ENKUR: variants seen among roughly 807,000 people sequenced by gnomAD.
ENKUR encodes enkurin.
A neutral mutation model predicts 27.6 loss-of-function variants in ENKUR; 19 were observed. That is an observed-to-expected ratio of 0.69 (90% CI 0.48 to 1.01). The LOEUF is 1.01. Ranked by LOEUF, ENKUR falls within the 50% of genes least tolerant of loss-of-function variation. The probability of loss-of-function intolerance (pLI) is 0.00; values close to 1 mark genes in which losing one functional copy is unlikely to be tolerated. For missense variants in ENKUR, 312 were observed against 310.5 expected (o/e 1.00, Z -0.04); for synonymous variants, 117 against 96.9 (o/e 1.21, Z -1.22).
intron 1 of ENKUR, among the ~76,000 whole-genome samples, chr10:25,013,697 C>T (rs1431942725): frequency 6.6e-6 from 1 of 152,314 alleles, no homozygotes; most frequent in East Asian, 1.9e-4. Context: ...AATCATAGCA[C>T]TTTGGGAGGC....
At chr10:25,027,387 A>AAAAAAAAAAATAAAAT (rs1850876645) in intron 2 of ENKUR, among the ~76,000 whole-genome samples, 1 of 139,356 alleles carries the variant, frequency 7.2e-6, no homozygotes, top group Admixed American at 7.1e-5. Flanking sequence ...AAAAAAAAAA[A>AAAAAAAAAAATAAAAT]CTAGCCAGGC....
At chr10:25,019,604 A>G (rs190362757), upstream of ENKUR, among the ~76,000 whole-genome samples, 4 of 152,378 alleles carry the variant, frequency 2.6e-5, no homozygotes, top group African/African-American at 7.2e-5. Context: ...AGATTAAGGT[A>G]TACAGGAGGA....
intron 2 of ENKUR, among the ~76,000 whole-genome samples, chr10:25,056,814 T>C (rs991386080): frequency 2.0e-5 from 3 of 152,206 alleles, no homozygotes; most frequent in South Asian, 2.1e-4. Flanking sequence ...TGTTTATTAA[T>C]GGCAAAGTGC....
intron 2 of ENKUR, among the ~76,000 whole-genome samples, chr10:25,046,668 C>G (rs934996753): frequency 6.6e-6 from 1 of 152,158 alleles, no homozygotes; most frequent in African/African-American, 2.4e-5. Context: ...ATATAAAGCT[C>G]TATAATTTTT....
Position 25,016,156 on chromosome 10 carries a change from T to C in ENKUR, c.-220A>G. On this transcript the variant is annotated 5_prime_UTR_variant, in exon 1 of 6. Transcript: ENST00000331161. ...CTCCGGATTGCTAAGCGTCGTTGAC[T>C]GTGCGGTTGCCGTGGAAACCGTTAC... The C allele has an allele frequency of 1.7e-6, 2 of 1,209,844 alleles. No homozygotes were observed. The highest frequency in any genetic ancestry group is 2.1e-6 in the Non-Finnish European group (2 of 972,404). 74.9% of individuals were successfully genotyped at this position (1,209,844 alleles called of 1,614,324 possible).
At chr10:24,984,566 G>T in intron 5 of ENKUR, 170 bp downstream of exon 5, 6 of 1,026,526 alleles carry the variant, frequency 5.8e-6, no homozygotes, top group Non-Finnish European at 8.2e-6. Flanking sequence ...ATTTCTTCTT[G>T]TGTAAGTGAA....
In ENKUR at chr10:24,983,489, T is replaced by C. The variant is rs918891467; in HGVS notation, c.*881A>G. The C allele has an allele frequency of 7.9e-5, 12 of 152,222 alleles. No individual in the cohort carries two copies. The highest frequency in any genetic ancestry group is 1.6e-4 in the Non-Finnish European group (11 of 68,042). The allele number at this position is 152,222 out of a possible 1,614,324, so 9.4% of individuals were successfully genotyped here. A position where few individuals can be genotyped will look rare whatever the true frequency, so the allele number is the denominator to read the frequency against. On this transcript the variant is annotated 3_prime_UTR_variant, in exon 6 of 6. Coordinates refer to ENST00000331161, the MANE Select transcript of ENKUR (RefSeq NM_145010.4). ...TACTGTCACAGCTGTTAGCCTACCC[T>C]AAATAGCAACCAACCATTCTTGGTA...
chr10:25,029,381 A>G (rs563027918), intron 2 of ENKUR, among the ~76,000 whole-genome samples: 2 of 152,302 alleles, frequency 1.3e-5, no homozygotes, highest in East Asian at 3.9e-4. Flanking sequence ...TGGAAATTAT[A>G]AAATGTTTTC....
At chr10:25,016,192 G>C, upstream of ENKUR, 1 of 1,174,402 alleles carries the variant, frequency 8.5e-7, no homozygotes, top group Non-Finnish European at 1.1e-6. Flanking sequence ...TAGGCAACGA[G>C]GAAGTGGCAG....
At chr10:25,017,951 C>G (rs1045423330), upstream of ENKUR, among the ~76,000 whole-genome samples, 10 of 152,258 alleles carry the variant, frequency 6.6e-5, no homozygotes, top group Middle Eastern at 3.4e-3. Context: ...TATGAATTTT[C>G]TAATTAGAAG....
At chr10:24,992,082 C>T (rs915010504) in intron 3 of ENKUR, among the ~76,000 whole-genome samples, 1 of 152,176 alleles carries the variant, frequency 6.6e-6, no homozygotes, top group Non-Finnish European at 1.5e-5. Context: ...ATTCTTTCAG[C>T]TTAGTAAATG....
intron 1 of ENKUR, among the ~76,000 whole-genome samples, chr10:25,004,313 G>T (rs1850262870): frequency 5.3e-5 from 8 of 152,104 alleles, no homozygotes; most frequent in Admixed American, 3.9e-4. Context: ...TTGCTGGGTT[G>T]AATGGTATTC....
At chr10:24,999,365 C>T in intron 2 of ENKUR, 36 bp downstream of exon 2, 1 of 1,565,250 alleles carries the variant, frequency 6.4e-7, no homozygotes, top group African/African-American at 1.4e-5. Context: ...CCTGCTAATG[C>T]TTTTAATATT....
intron 2 of ENKUR, among the ~76,000 whole-genome samples, chr10:25,046,752 C>T (rs563463651): frequency 5.8e-4 from 89 of 152,240 alleles, no homozygotes; most frequent in African/African-American, 2.1e-3. Context: ...ATTAAAATCT[C>T]ACTATAACTT....
At chr10:25,025,429 C>T in intron 2 of ENKUR, 1 of 1,606,374 alleles carries the variant, frequency 6.2e-7, no homozygotes, top group Admixed American at 1.7e-5. Context: ...TCATGTGGAA[C>T]AACTTGTCCA....
At chr10:25,052,294 G>A (rs1851195072) in intron 2 of ENKUR, among the ~76,000 whole-genome samples, 1 of 152,168 alleles carries the variant, frequency 6.6e-6, no homozygotes, top group South Asian at 2.1e-4. Context: ...TATGCTAAAG[G>A]CTGCATTTTA....
intron 2 of ENKUR, chr10:25,024,774 A>G (rs775833140): frequency 6.2e-7 from 1 of 1,614,204 alleles, no homozygotes; most frequent in Non-Finnish European, 8.5e-7. Flanking sequence ...TTTTAGCAGC[A>G]GTGTATGCCA....
chr10:24,992,947 G>A (rs554467578), intron 3 of ENKUR, among the ~76,000 whole-genome samples: 1 of 152,260 alleles, frequency 6.6e-6, no homozygotes, highest in South Asian at 2.1e-4. Context: ...GCTTCATCAT[G>A]ATGATTCTGC....
At chr10:25,031,789 G>T (rs1850938140) in intron 2 of ENKUR, among the ~76,000 whole-genome samples, 1 of 143,710 alleles carries the variant, frequency 7.0e-6, no homozygotes, top group African/African-American at 2.6e-5. Context: ...TTGTTTCATG[G>T]ATACAAAAGT....
Sources: allele counts gnomAD v4.1 joint callset (sites outside exome capture counted in the v4.1 genomes callset), GRCh38; gene constraint gnomAD v4.1.1; transcripts MANE v1.5; gene names NCBI Gene and HGNC (gene_info 2026-07-23, HGNC 2026-07-21).